Variants in TSPAN9 observed in about 807,000 individuals in gnomAD.
TSPAN9 encodes the protein tetraspanin-9.
A neutral mutation model predicts 31.0 loss-of-function variants in TSPAN9; 16 were observed. That is an observed-to-expected ratio of 0.52 (90% CI 0.35 to 0.78). The LOEUF is 0.78. Among genes scored for constraint, TSPAN9 ranks in the 30% least tolerant of loss-of-function variants. The probability of loss-of-function intolerance (pLI) is 0.01; values close to 1 mark genes in which losing one functional copy is unlikely to be tolerated. For missense variants in TSPAN9, 272 were observed against 312.5 expected (o/e 0.87, Z 0.98); for synonymous variants, 145 against 121.6 (o/e 1.19, Z -1.27).
intron 2 of TSPAN9, among the ~76,000 whole-genome samples, chr12:3,131,335 G>A (rs1295038000): frequency 6.6e-6 from 1 of 152,172 alleles, no homozygotes; most frequent in African/African-American, 2.4e-5. Context: ...TGGACATGCC[G>A]AAGCTGCGGC....
At chr12:3,140,542 G>C (rs1449525581) in intron 2 of TSPAN9, among the ~76,000 whole-genome samples, 3 of 152,192 alleles carry the variant, frequency 2.0e-5, no homozygotes, top group Admixed American at 2.0e-4. Context: ...GGGAAGTTCA[G>C]AGGGTTTCTT....
intron 3 of TSPAN9, among the ~76,000 whole-genome samples, chr12:3,248,599 C>T (rs1320565255): frequency 7.1e-6 from 1 of 141,760 alleles, no homozygotes; most frequent in Non-Finnish European, 1.6e-5. Flanking sequence ...GTCCATTACA[C>T]TCATTCCTTA....
intron 3 of TSPAN9, among the ~76,000 whole-genome samples, chr12:3,216,660 C>T (rs1338335212): frequency 1.3e-5 from 2 of 152,218 alleles, no homozygotes; most frequent in Non-Finnish European, 2.9e-5. Context: ...CCCTAATGGG[C>T]CTGGAAGCCC....
rs771078468 is a variant in TSPAN9, at chr12:3,278,502, C to T, written c.145C>T (p.Pro49Ser). ...GNFATFSPSF[P>S]SLSAANLVIA... ...CTTTGCCACCTTCTCCCCCAGCTTCCCTTCGTTGTCTGCAGCCAACCTGGT... is the reference window on the plus strand; with the variant it reads ...CTTTGCCACCTTCTCCCCCAGCTTCTCTTCGTTGTCTGCAGCCAACCTGGT... Residue 49 changes from proline (P) to serine (S), a missense_variant, in exon 4 of 9, where the codon CCT becomes TCT. Coordinates refer to ENST00000011898, the MANE Select transcript of TSPAN9 (RefSeq NM_006675.5). 2 of 1,614,236 alleles carry T rather than the reference C, an allele frequency of 1.2e-6. No homozygotes were observed. Among genetic ancestry groups the T allele is most frequent in the Admixed American group, 1.7e-5 (1 of 60,032 alleles).
At chr12:3,211,128 C>T (rs2098378449) in intron 3 of TSPAN9, among the ~76,000 whole-genome samples, 1 of 105,444 alleles carries the variant, frequency 9.5e-6, no homozygotes, top group East Asian at 2.6e-4. Context: ...GAGTAAGTGA[C>T]TGAAGATGAG....
intron 3 of TSPAN9, among the ~76,000 whole-genome samples, chr12:3,250,683 C>T (rs1387136747): frequency 1.3e-5 from 2 of 152,260 alleles, no homozygotes; most frequent in Non-Finnish European, 2.9e-5. Context: ...TCTCAGCAGC[C>T]ACAGATATCA....
chr12:3,105,814 GCA>G (rs1443206340), intron 2 of TSPAN9, among the ~76,000 whole-genome samples: 8 of 115,882 alleles, frequency 6.9e-5, no homozygotes, highest in East Asian at 2.4e-4. Flanking sequence ...GCGCACACAC[GCA>G]CACGCGCACA....
intron 8 of TSPAN9, among the ~76,000 whole-genome samples, chr12:3,282,547 C>G (rs940352822): frequency 1.3e-5 from 2 of 152,196 alleles, no homozygotes; most frequent in African/African-American, 4.8e-5. Flanking sequence ...GCATATACAC[C>G]ACCATACCTG....
At chr12:3,110,533 T>C (rs955035189) in intron 2 of TSPAN9, among the ~76,000 whole-genome samples, 2 of 152,144 alleles carry the variant, frequency 1.3e-5, no homozygotes, top group Non-Finnish European at 2.9e-5. Flanking sequence ...TTTTTAACAG[T>C]CCAATGGGTG....
intron 2 of TSPAN9, among the ~76,000 whole-genome samples, chr12:3,186,372 C>T (rs1014737173): frequency 6.6e-6 from 1 of 152,184 alleles, no homozygotes; most frequent in South Asian, 2.1e-4. Context: ...GGGAAGGCCT[C>T]ATGGAGAAGA....
At chr12:3,194,913 G>A (rs547679903) in intron 2 of TSPAN9, among the ~76,000 whole-genome samples, 3 of 152,304 alleles carry the variant, frequency 2.0e-5, no homozygotes, top group East Asian at 1.9e-4. Flanking sequence ...CTTTTGGCAC[G>A]GTTGCTAAAT....
chr12:3,146,159 T>A (rs886807816), intron 2 of TSPAN9, among the ~76,000 whole-genome samples: 1 of 152,218 alleles, frequency 6.6e-6, no homozygotes, highest in Non-Finnish European at 1.5e-5. Flanking sequence ...GAGGTCTCTC[T>A]GGCCCTGACA....
chr12:3,171,128 GC>G (rs1356064935), intron 2 of TSPAN9, among the ~76,000 whole-genome samples: 1 of 152,162 alleles, frequency 6.6e-6, no homozygotes, highest in Non-Finnish European at 1.5e-5. Context: ...CCCGACGCGC[GC>G]CGAGACCTTC....
rs1363782999 is a variant in TSPAN9 at position 3,268,172 on chromosome 12, T to TGCCCTCCGTGCGTTCCTGC, written c.64-10249_64-10248insGCCCTCCGTGCGTTCCTGC. Reference sequence around the variant, plus strand: ...CTGCCCTCCGTGCATTCCTGCAGCCTACCCTCCGTGCGTTCCTGCAGCCTG... The same window carrying TGCCCTCCGTGCGTTCCTGC: ...CTGCCCTCCGTGCATTCCTGCAGCCTGCCCTCCGTGCGTTCCTGCACCCTCCGTGCGTTCCTGCAGCCTG... On this transcript the variant is annotated intron_variant, in intron 3 of 8. Transcript: ENST00000011898. Among the ~76,000 whole-genome samples the TGCCCTCCGTGCGTTCCTGC allele has an allele frequency of 8.7e-5, 13 of 148,624 alleles. 1 individual carries two copies. Among genetic ancestry groups the TGCCCTCCGTGCGTTCCTGC allele is most frequent in the South Asian group, 2.2e-4 (1 of 4,558 alleles).
At chr12:3,183,095 G>A (rs2098359292) in intron 2 of TSPAN9, among the ~76,000 whole-genome samples, 1 of 152,206 alleles carries the variant, frequency 6.6e-6, no homozygotes, top group African/African-American at 2.4e-5. Context: ...ACACATGCAA[G>A]TAGGAGCACC....
intron 2 of TSPAN9, among the ~76,000 whole-genome samples, chr12:3,114,246 T>G (rs139698860): frequency 4.0e-4 from 61 of 152,320 alleles, no homozygotes; most frequent in African/African-American, 1.5e-3. Context: ...AAAAAATGTA[T>G]TTACGGACAT....
intron 1 of TSPAN9, among the ~76,000 whole-genome samples, chr12:3,082,859 T>G (rs903695424): frequency 3.3e-5 from 5 of 152,268 alleles, no homozygotes; most frequent in Admixed American, 1.3e-4. Context: ...GGATTCTAAT[T>G]CCCTCTGATG....
At chr12:3,109,209 T>G (rs2098316640) in intron 2 of TSPAN9, among the ~76,000 whole-genome samples, 1 of 151,470 alleles carries the variant, frequency 6.6e-6, no homozygotes, top group Admixed American at 6.6e-5. Flanking sequence ...GTGCTGGGAT[T>G]ACAGGTGTGA....
intron 2 of TSPAN9, among the ~76,000 whole-genome samples, chr12:3,184,288 C>T (rs1299076735): frequency 1.3e-5 from 2 of 152,012 alleles, no homozygotes; most frequent in Non-Finnish European, 2.9e-5. Context: ...GTCCCAGCTA[C>T]TTGGGAGGCT....
Sources: allele counts gnomAD v4.1 joint callset (sites outside exome capture counted in the v4.1 genomes callset), GRCh38; gene constraint gnomAD v4.1.1; transcripts MANE v1.5; gene names NCBI Gene and HGNC (gene_info 2026-07-23, HGNC 2026-07-21).